The following ADGRA3 variants were observed in gnomAD, a reference collection of about 807,000 sequenced individuals.
The protein encoded by ADGRA3 is adhesion G protein-coupled receptor A3.
A neutral mutation model predicts 119.8 loss-of-function variants in ADGRA3; 56 were observed. That is an observed-to-expected ratio of 0.47 (90% CI 0.38 to 0.58). The LOEUF (loss-of-function observed/expected upper bound fraction) is 0.58, where lower values mean the gene tolerates loss of function less well. Ranked by LOEUF, ADGRA3 falls within the 20% of genes least tolerant of loss-of-function variation. The pLI, the probability that ADGRA3 is intolerant of heterozygous loss-of-function variation, is 0.00. For synonymous variants in ADGRA3, 607 were observed against 623.8 expected, an observed-to-expected ratio of 0.97 and a Z score of 0.40; for missense variants, 1,516 against 1,649.0, an observed-to-expected ratio of 0.92 and a Z score of 1.40.
At chr4:22,475,513 G>A (rs972574324) in intron 1 of ADGRA3, among the ~76,000 whole-genome samples, 19 of 152,108 alleles carry the variant, frequency 1.2e-4, no homozygotes, top group Admixed American at 2.0e-4. Flanking sequence ...GGATTATGAG[G>A]TCAGGAGATC....
chr4:22,413,264 G>A lies in ADGRA3; in HGVS notation c.2150C>T (p.Ser717Leu). 2 of 1,614,074 alleles carry A rather than the reference G, an allele frequency of 1.2e-6. No homozygotes were observed. Among genetic ancestry groups the A allele is most frequent in the South Asian group, 1.1e-5 (1 of 91,078 alleles). Residue 717 changes from serine (S) to leucine (L), a missense_variant, in exon 14 of 19, where the codon TCA becomes TTA. By Grantham distance (145) the Ser-to-Leu change is moderately radical (BLOSUM62 -2). This residue lies in a region of ADGRA3 where 1,088 missense variants were observed against 1,107.1 expected (regional missense o/e 0.98). Coordinates refer to ENST00000334304, the MANE Select transcript of ADGRA3 (RefSeq NM_145290.4). ...TGAATAGAGTATATGGCACCCATCTGACTTCCAGCCTCCTTGTCCGTTCAG... is the reference window on the plus strand; with the variant it reads ...TGAATAGAGTATATGGCACCCATCTAACTTCCAGCCTCCTTGTCCGTTCAG... ...DLLNGQGGWK[S>L]DGCHILYSDE... is the part of the protein sequence containing the mutation.
chr4:22,405,828 G>T (rs1223554843), intron 14 of ADGRA3, among the ~76,000 whole-genome samples: 1 of 152,202 alleles, frequency 6.6e-6, no homozygotes, highest in East Asian at 1.9e-4. Context: ...AAATCAAATT[G>T]GGAAATATGA....
At chr4:22,445,185 A>C in intron 5 of ADGRA3, 52 bp from the exon 6 acceptor site, 1 of 1,540,912 alleles carries the variant, frequency 6.5e-7, no homozygotes, top group Non-Finnish European at 9.0e-7. Context: ...ATTAAATAGC[A>C]CTTTTGTTTT....
chr4:22,452,481 T>C (rs1336996584), intron 4 of ADGRA3, among the ~76,000 whole-genome samples: 2 of 152,204 alleles, frequency 1.3e-5, no homozygotes, highest in Non-Finnish European at 2.9e-5. Flanking sequence ...AATCTCAAAG[T>C]GGGAAGCTTG....
At chr4:22,514,892 G>C (rs796904372) in intron 1 of ADGRA3, among the ~76,000 whole-genome samples, 4 of 152,282 alleles carry the variant, frequency 2.6e-5, no homozygotes, top group Non-Finnish European at 4.4e-5. Context: ...CAGTTCCAAT[G>C]TTCCTGGCTT....
At chr4:22,456,183 T>C (rs1717228759) in intron 3 of ADGRA3, among the ~76,000 whole-genome samples, 1 of 152,188 alleles carries the variant, frequency 6.6e-6, no homozygotes, top group Non-Finnish European at 1.5e-5. Flanking sequence ...CTAACTCGTT[T>C]GTTTTTTTTC....
rs182646540 is a variant in ADGRA3 at position 22,390,928 on chromosome 4, G to A, written c.2627+1617C>T. On this transcript the variant is annotated intron_variant, in intron 17 of 18. Coordinates refer to ENST00000334304, the MANE Select transcript of ADGRA3 (RefSeq NM_145290.4). ...CTCTCATTTCTCTTAATAGAAGTGA[G>A]GGAGGTGTCAAATCTCATCCTACAA... Among the ~76,000 whole-genome samples the A allele has an allele frequency of 3.9e-5, 6 of 152,168 alleles. No homozygotes were observed. The East Asian group carries it at 1.2e-3, about 29-fold the overall frequency.
chr4:22,398,052 G>A (rs1040072551), intron 16 of ADGRA3: 2 of 983,642 alleles, frequency 2.0e-6, no homozygotes, highest in African/African-American at 3.5e-5. Context: ...ACACAGAGGA[G>A]CTATCTTCTA....
chr4:22,422,330 A>T (rs1163330071), intron 11 of ADGRA3, among the ~76,000 whole-genome samples: 1 of 152,214 alleles, frequency 6.6e-6, no homozygotes, highest in Non-Finnish European at 1.5e-5. Flanking sequence ...AAATACAAAA[A>T]GTAAAGTAAA....
At chr4:22,438,499 T>G in intron 7 of ADGRA3, 79 bp from the exon 8 acceptor site, 1 of 1,133,048 alleles carries the variant, frequency 8.8e-7, no homozygotes, top group East Asian at 2.5e-5. Context: ...CAATCATTAA[T>G]TTAGCAAATA....
intron 14 of ADGRA3, among the ~76,000 whole-genome samples, chr4:22,410,044 T>C (rs939129734): frequency 1.8e-4 from 27 of 152,302 alleles, no homozygotes; most frequent in African/African-American, 5.8e-4. Flanking sequence ...GATATCAAAG[T>C]TGCTTTGAAT....
intron 2 of ADGRA3, among the ~76,000 whole-genome samples, chr4:22,471,604 G>A (rs1717859632): frequency 6.6e-6 from 1 of 152,150 alleles, no homozygotes; most frequent in Non-Finnish European, 1.5e-5. Flanking sequence ...ACTCCGGTCT[G>A]GACCTTGATG....
chr4:22,487,600 G>C (rs1718475978), intron 1 of ADGRA3, among the ~76,000 whole-genome samples: 4 of 152,130 alleles, frequency 2.6e-5, no homozygotes, highest in Admixed American at 2.6e-4. Context: ...GGTATCTAAT[G>C]ACAAAGCAGG....
chr4:22,436,489 C>G lies in ADGRA3; in HGVS notation c.1238G>C (p.Arg413Pro). The G allele has an allele frequency of 6.2e-7, 1 of 1,612,474 alleles. No individual in the cohort carries two copies. Among genetic ancestry groups the G allele is most frequent in the Non-Finnish European group, 8.5e-7 (1 of 1,179,816 alleles). The change falls in exon 9 of 19, where the codon CGC (arginine) becomes CCC (proline). Residue 413 changes from arginine (R) to proline (P), a missense_variant. This residue lies in a region of ADGRA3 where 428 missense variants were observed against 541.9 expected (regional missense o/e 0.79). Transcript: ENST00000334304. ...AGTGACATCATTTGCATACTGACAG[C>G]GAGAATAATCATCATCTGCCCAAAA... ...GGFWADDDYS[R>P]CQYANDVTRV... is the part of the protein sequence containing the mutation.
At chr4:22,473,698 G>C in intron 2 of ADGRA3, 74 bp downstream of exon 2, 1 of 863,818 alleles carries the variant, frequency 1.2e-6, no homozygotes, top group Non-Finnish European at 1.8e-6. Flanking sequence ...TTTAGTCACA[G>C]ATTTACAATG....
intron 3 of ADGRA3, among the ~76,000 whole-genome samples, chr4:22,458,501 T>C (rs1392816226): frequency 6.6e-6 from 1 of 152,202 alleles, no homozygotes; most frequent in Non-Finnish European, 1.5e-5. Flanking sequence ...CGTAATTCCA[T>C]TAGACTGCAA....
intron 14 of ADGRA3, among the ~76,000 whole-genome samples, chr4:22,403,702 A>G (rs1354648349): frequency 2.0e-5 from 3 of 152,110 alleles, no homozygotes; most frequent in African/African-American, 7.2e-5. Flanking sequence ...AGATAGCACC[A>G]CTGCACTCCA....
chr4:22,434,258 T>C (rs1442359219), intron 10 of ADGRA3, among the ~76,000 whole-genome samples: 1 of 149,598 alleles, frequency 6.7e-6, no homozygotes, highest in Non-Finnish European at 1.5e-5. Flanking sequence ...AATTGATATA[T>C]AAAAATATAT....
intron 7 of ADGRA3, among the ~76,000 whole-genome samples, chr4:22,438,667 C>CTA (rs1716491524): frequency 6.6e-6 from 1 of 152,120 alleles, no homozygotes; most frequent in African/African-American, 2.4e-5. Flanking sequence ...AAATGCAATG[C>CTA]TATACGACGC....
Sources: gnomAD v4.1 joint callset for allele counts (sites outside exome capture counted in the v4.1 genomes callset) on GRCh38, gnomAD v4.1.1 for gene constraint, gnomAD v4.1.1 regional missense constraint, MANE v1.5 for transcripts, NCBI Gene and HGNC (gene_info 2026-07-23, HGNC 2026-07-21) for gene names.